PSME3: variants seen among roughly 807,000 people sequenced by gnomAD.
PSME3 encodes the protein proteasome activator subunit 3, also known as proteasome activator complex subunit 3.
PSME3 carries 7 observed loss-of-function variants against 38.3 expected under a neutral mutation model. The observed-to-expected ratio is 0.18, with a 90% confidence interval of 0.10 to 0.34. The LOEUF is 0.34. Among genes scored for constraint, PSME3 ranks in the 10% least tolerant of loss-of-function variants. The pLI is 1.00. For synonymous variants in PSME3, 108 were observed against 105.7 expected (o/e 1.02, Z -0.13); for missense variants, 192 against 307.6 (o/e 0.62, Z 2.81).
chr17:42,834,788 T>C lies in PSME3; in HGVS notation c.155T>C (p.Ile52Thr). The C allele has an allele frequency of 6.2e-7, 1 of 1,614,172 alleles. No homozygotes were observed. The highest frequency in any genetic ancestry group is 1.1e-5 in the South Asian group (1 of 91,082). ...DSFLKEPILNIHDLTQIHSDM... is the reference protein window; with the variant it reads ...DSFLKEPILNTHDLTQIHSDM... ...GTCTTTCAGGAACCAATCTTAAACA[T>C]CCATGACCTAACTCAGATCCACTCT... Residue 52 changes from isoleucine to threonine, a missense_variant, in exon 4 of 11, where the codon ATC becomes ACC. Ile to Thr is a moderately conservative substitution (Grantham distance 89). Around this residue, in one of 2 missense-constraint regions of PSME3, gnomAD observed 110 missense variants for 139.3 expected, o/e 0.79. Transcript: ENST00000590720.
At chr17:42,833,876 G>T in intron 1 of PSME3, 1 of 1,479,480 alleles carries the variant, frequency 6.8e-7, no homozygotes, top group African/African-American at 1.4e-5. Flanking sequence ...TCTGATGATG[G>T]AGAGTCCCGG....
At chr17:42,836,145 C>T (rs141032124) in intron 4 of PSME3, among the ~76,000 whole-genome samples, 1 of 151,868 alleles carries the variant, frequency 6.6e-6, no homozygotes, top group Non-Finnish European at 1.5e-5. Flanking sequence ...GCTGAGATTA[C>T]AGGTGCACAC....
At chr17:42,834,731 C>T (rs1330784718) in intron 3 of PSME3, 41 bp from the exon 4 acceptor site, 1 of 1,610,850 alleles carries the variant, frequency 6.2e-7, no homozygotes, top group East Asian at 2.2e-5. Context: ...CTTCTTTGTT[C>T]AGCTTGAAAA....
chr17:42,837,913 C>T lies in PSME3; in HGVS notation c.293-180C>T, dbSNP rs543104224. ...TTTAAGACTTTTGTTATGTTTTAGA[C>T]GCTCATCTGTAGTTCTTTTTTTCCA... is the stretch of plus-strand genomic sequence containing the variant. On this transcript the variant is annotated intron_variant, in intron 5 of 10. Coordinates refer to ENST00000590720, the MANE Select transcript of PSME3 (RefSeq NM_005789.4). 5.9e-5 allele frequency among the ~76,000 whole-genome samples: 9 copies of T among 152,302 alleles called. No homozygotes were observed. In the South Asian group the frequency reaches 1.0e-3, roughly 18 times the overall value.
rs550477527 is a variant in PSME3, at chr17:42,833,801, C to T, written c.42+128C>T. The T allele has an allele frequency of 5.7e-5, 91 of 1,587,412 alleles. 1 individual carries two copies. The East Asian group carries it at 2.0e-3, about 34-fold the overall frequency. On this transcript the variant is annotated intron_variant, in intron 1 of 10. Transcript: ENST00000590720. ...CTCTGAGCTTCCGCTCGGCTCAGCC[C>T]AGCCCCCAACTCCCGGGGTCGGCTT...
At chr17:42,834,963 A>G in intron 4 of PSME3, 87 bp downstream of exon 4, 1 of 1,560,286 alleles carries the variant, frequency 6.4e-7, no homozygotes, top group Non-Finnish European at 8.7e-7. Flanking sequence ...TACAGAGGGA[A>G]CAGTGGGATT....
At chr17:42,836,804 T>G (rs1405427214) in intron 4 of PSME3, among the ~76,000 whole-genome samples, 1 of 151,944 alleles carries the variant, frequency 6.6e-6, no homozygotes, top group Non-Finnish European at 1.5e-5. Context: ...TCAAGCGATC[T>G]GTGTGCCTTG....
At chr17:42,837,856 G>C in intron 5 of PSME3, 159 bp downstream of exon 5, 1 of 926,016 alleles carries the variant, frequency 1.1e-6, no homozygotes, top group South Asian at 1.6e-5. Context: ...GTTATTGAGT[G>C]CTCTAAACCT....
At chr17:42,840,753 G>A (rs2055521876) in intron 10 of PSME3, among the ~76,000 whole-genome samples, 1 of 152,202 alleles carries the variant, frequency 6.6e-6, no homozygotes, top group Admixed American at 6.5e-5. Context: ...TAGACACTTG[G>A]GGCCTTGGAA....
chr17:42,835,060 A>T (rs574885266), intron 4 of PSME3, among the ~76,000 whole-genome samples, 184 bp downstream of exon 4: 9 of 152,246 alleles, frequency 5.9e-5, no homozygotes, highest in African/African-American at 1.9e-4. Flanking sequence ...TTTTTGAGAA[A>T]GGGTGTCACT....
intron 4 of PSME3, among the ~76,000 whole-genome samples, chr17:42,836,799 C>T (rs1056445098): frequency 4.0e-5 from 6 of 151,692 alleles, no homozygotes; most frequent in African/African-American, 1.5e-4. Flanking sequence ...TGAGCTCAAG[C>T]GATCTGTGTG....
chr17:42,834,310 C>T, intron 1 of PSME3, 34 bp from the exon 2 acceptor site: 4 of 1,613,938 alleles, frequency 2.5e-6, no homozygotes, highest in Non-Finnish European at 3.4e-6. Flanking sequence ...ACCTCTGTCC[C>T]CAGGTACTGA....
chr17:42,838,880 TC>T, intron 7 of PSME3, 64 bp from the exon 8 acceptor site: 1 of 1,602,194 alleles, frequency 6.2e-7, no homozygotes, highest in Non-Finnish European at 8.6e-7. Context: ...TTTTCCTTTT[TC>T]TTTGGGGCTG....
chr17:42,836,771 A>G (rs925393938), intron 4 of PSME3, among the ~76,000 whole-genome samples: 4 of 152,136 alleles, frequency 2.6e-5, no homozygotes, highest in Non-Finnish European at 4.4e-5. Context: ...TATGTTGCCC[A>G]GGCTGGTCTC....
At chr17:42,841,466 A>T in intron 10 of PSME3, 32 bp from the exon 11 acceptor site, 1 of 1,436,552 alleles carries the variant, frequency 7.0e-7, no homozygotes, top group Non-Finnish European at 9.7e-7. Flanking sequence ...GGTTGTACAG[A>T]TATGTGATTC....
rs539668994 is a variant in PSME3 at position 42,835,620 on chromosome 17, G to T, written c.243+744G>T. ...GGCCCCTGTAGTCCCAGCTACTTCGGAGGCTGAGGCAGGAGAATGGCATGA... is the reference window on the plus strand; with the variant it reads ...GGCCCCTGTAGTCCCAGCTACTTCGTAGGCTGAGGCAGGAGAATGGCATGA... On this transcript the variant is annotated intron_variant, in intron 4 of 10. Coordinates refer to ENST00000590720, the MANE Select transcript of PSME3 (RefSeq NM_005789.4). Among the ~76,000 whole-genome samples, 29 of 152,090 alleles carry T rather than the reference G, an allele frequency of 1.9e-4. No homozygotes were observed. The East Asian group carries it at 4.9e-3, about 26-fold the overall frequency.
In PSME3 at chr17:42,834,575, A is replaced by C; in HGVS notation, c.136A>C (p.Lys46Gln). The part of the protein sequence containing the change: ...KKLLELDSFL[K>Q]EPILNIHDLT... ...GTTATTAGAACTTGATAGTTTTCTG[A>C]AGGTGAGAGACCCTATTCTTTCCTC... Residue 46 changes from lysine to glutamine, a missense_variant and splice_region_variant, in exon 3 of 11, where the codon AAG (lysine) becomes CAG (glutamine). Physicochemically the swap from Lys to Gln is moderately conservative, Grantham distance 53 (BLOSUM62 1). Around this residue, in one of 2 missense-constraint regions of PSME3, gnomAD observed 110 missense variants for 139.3 expected, o/e 0.79. Coordinates refer to ENST00000590720, the MANE Select transcript of PSME3 (RefSeq NM_005789.4). The C allele has an allele frequency of 6.2e-7, 1 of 1,613,856 alleles. No homozygotes were observed. Among genetic ancestry groups the C allele is most frequent in the Non-Finnish European group, 8.5e-7 (1 of 1,179,822 alleles).
intron 10 of PSME3, among the ~76,000 whole-genome samples, chr17:42,839,611 A>C (rs1040305790): frequency 1.3e-5 from 2 of 152,224 alleles, no homozygotes; most frequent in East Asian, 3.8e-4. Flanking sequence ...TATAGGTGTC[A>C]GAGTCAGACA....
At chr17:42,837,718 A>T in intron 5 of PSME3, 21 bp downstream of exon 5, 1 of 1,608,798 alleles carries the variant, frequency 6.2e-7, no homozygotes, top group Non-Finnish European at 8.5e-7. Flanking sequence ...CCCTTACCTC[A>T]CCTCCCCTCA....
Sources: gnomAD v4.1 joint callset for allele counts (sites outside exome capture counted in the v4.1 genomes callset) on GRCh38, gnomAD v4.1.1 for gene constraint, gnomAD v4.1.1 regional missense constraint, MANE v1.5 for transcripts, NCBI Gene and HGNC (gene_info 2026-07-23, HGNC 2026-07-21) for gene names.